The following ARID1B variants were observed in gnomAD, a reference collection of about 807,000 sequenced individuals.
ARID1B encodes the protein AT-rich interactive domain-containing protein 1B.
ARID1B carries 30 observed loss-of-function variants against 212.3 expected under a neutral mutation model. The ratio of observed to expected loss-of-function variants is 0.14; its 90% CI spans 0.11 to 0.19. The LOEUF (loss-of-function observed/expected upper bound fraction) is 0.19. Among genes scored for constraint, ARID1B ranks in the 10% least tolerant of loss-of-function variants. The pLI is 1.00. For synonymous variants in ARID1B, 1,402 were observed against 1,301.7 expected, an observed-to-expected ratio of 1.08 and a Z score of -1.66; for missense variants, 2,891 against 3,204.0, an observed-to-expected ratio of 0.90 and a Z score of 2.36.
intron 8 of ARID1B, among the ~76,000 whole-genome samples, chr6:157,161,030 T>C (rs1285039424): frequency 6.6e-6 from 1 of 152,212 alleles, no homozygotes; most frequent in African/African-American, 2.4e-5. Flanking sequence ...TTGTGCTCAT[T>C]CCTCTCCCAT....
chr6:156,851,814 T>C lies in ARID1B; in HGVS notation c.1986+22393T>C, dbSNP rs117504356. Among the ~76,000 whole-genome samples, 133 of 152,344 alleles carry C rather than the reference T, an allele frequency of 8.7e-4. 2 individuals carry two copies. In the East Asian group the frequency reaches 0.013, roughly 15 times the overall value. ...ACATACTCAGAGCTGATTTGGCTTT[T>C]TAAAAGATTCTAGGCTTGAATATAG... On this transcript the variant is annotated intron_variant, in intron 2 of 19. Coordinates refer to ENST00000636930, the MANE Select transcript of ARID1B (RefSeq NM_001374828.1).
intron 2 of ARID1B, among the ~76,000 whole-genome samples, chr6:156,891,579 A>G (rs112305353): frequency 1.5e-4 from 23 of 152,322 alleles, no homozygotes; most frequent in African/African-American, 5.3e-4. Flanking sequence ...CAAAAATAAC[A>G]TTATACTACA....
At chr6:156,907,659 A>C (rs1184975577) in intron 3 of ARID1B, among the ~76,000 whole-genome samples, 1 of 151,484 alleles carries the variant, frequency 6.6e-6, no homozygotes, top group African/African-American at 2.4e-5. Context: ...TAATTCTATC[A>C]CTTTGGGAGG....
intron 3 of ARID1B, among the ~76,000 whole-genome samples, chr6:156,917,759 C>G (rs968320709): frequency 6.6e-6 from 1 of 152,052 alleles, no homozygotes; most frequent in African/African-American, 2.4e-5. Context: ...ATTTATTGTT[C>G]AATATCATTT....
intron 5 of ARID1B, among the ~76,000 whole-genome samples, chr6:157,085,469 C>A (rs758116566): frequency 2.6e-5 from 4 of 152,176 alleles, no homozygotes; most frequent in Non-Finnish European, 5.9e-5. Flanking sequence ...TCATTTATTT[C>A]ACTTGTCATG....
chr6:157,049,596 A>G (rs1297103687), intron 4 of ARID1B, among the ~76,000 whole-genome samples: 1 of 152,204 alleles, frequency 6.6e-6, no homozygotes. Flanking sequence ...TCTTCCACAA[A>G]TTAAGTTTTC....
At chr6:157,198,476 G>A (rs1370879775) in intron 16 of ARID1B, 2 of 277,612 alleles carry the variant, frequency 7.2e-6, no homozygotes, top group East Asian at 6.3e-5. Flanking sequence ...TAAGGTACAC[G>A]TCAGTGGACA....
chr6:157,037,737 C>T lies in ARID1B; in HGVS notation c.2248-46925C>T, dbSNP rs78872166. ...ATGACTTTGGCCACTTTTTGGAGGA[C>T]GGATTAACCAGAGACCAGTCAAAAG... On this transcript the variant is annotated intron_variant, in intron 4 of 19. Transcript: ENST00000636930. 8.9e-4 allele frequency among the ~76,000 whole-genome samples: 135 copies of T among 152,206 alleles called. 1 individual carries two copies. The highest frequency in any genetic ancestry group is 7.3e-3 in the East Asian group (38 of 5,172).
chr6:156,778,839 C>G lies in ARID1B; in HGVS notation c.1159C>G (p.Pro387Ala), dbSNP rs765697199. Reference protein sequence around the residue: ...QCNHYPGYSRPGAGGGGGGGG... With the variant: ...QCNHYPGYSRAGAGGGGGGGG... ...CAACCATTATCCGGGCTACAGCCGG[C>G]CCGGCGCGGGCGGCGGCGGCGGCGG... The change falls in exon 1 of 20, where the codon CCC becomes GCC. Residue 387 changes from proline to alanine, a missense_variant. Pro to Ala is a conservative substitution (Grantham distance 27). Around this residue, in one of 7 missense-constraint regions of ARID1B, gnomAD observed 1,643 missense variants for 1,544.0 expected, o/e 1.06. Transcript: ENST00000636930. 3 of 1,416,268 alleles carry G rather than the reference C, an allele frequency of 2.1e-6. No homozygotes were observed. The South Asian group carries it at 4.5e-5, about 21-fold the overall frequency. 87.7% of individuals were successfully genotyped at this position (1,416,268 alleles called of 1,614,324 possible).
intron 1 of ARID1B, among the ~76,000 whole-genome samples, chr6:156,786,735 T>G (rs569974518): frequency 6.6e-6 from 1 of 152,328 alleles, no homozygotes; most frequent in South Asian, 2.1e-4. Flanking sequence ...TTTATTGAGC[T>G]CCCACTTTCT....
intron 4 of ARID1B, among the ~76,000 whole-genome samples, chr6:157,039,674 C>CTTTCTTTCT: frequency 1.3e-5 from 1 of 77,000 alleles, no homozygotes; most frequent in African/African-American, 6.3e-5. Flanking sequence ...TCCTTCCTTC[C>CTTTCTTTCT]TTCCTTCCTT....
At chr6:156,811,216 T>C (rs189293788) in intron 1 of ARID1B, among the ~76,000 whole-genome samples, 125 of 152,304 alleles carry the variant, frequency 8.2e-4, no homozygotes, top group African/African-American at 2.8e-3. Context: ...CTTAATGTCA[T>C]GTGATTAAGG....
In ARID1B at chr6:157,133,071, T is replaced by C. The variant is rs1385437355; in HGVS notation, c.2625T>C (p.Tyr875=). 2.5e-6 allele frequency: 4 copies of C among 1,613,702 alleles called. No homozygotes were observed. Among genetic ancestry groups the C allele is most frequent in the Admixed American group, 1.7e-5 (1 of 59,894 alleles). ...AAAGAAACCCTCAGATGGCTCAGTA[T>C]GGACCTCAACAGACAGGACCATCCA... is the stretch of plus-strand genomic sequence containing the variant. ...GTQRNPQMAQ[Y]GPQQTGPSMS... The change falls in exon 7 of 20, where the codon TAT becomes TAC. Residue 875 remains tyrosine, a synonymous_variant. Transcript: ENST00000636930.
Position 157,190,300 on chromosome 6 carries a change from C to T in ARID1B, c.4231+90C>T. ...AACAGTTCACCTTTCACTCAGAACA[C>T]CTCTGAGCCCATGCTGCATCGGTGT... is the stretch of plus-strand genomic sequence containing the variant. On this transcript the variant is annotated intron_variant, in intron 15 of 19. Transcript: ENST00000636930. The surrounding 1 kb of genome is among the most constrained non-coding windows in gnomAD (Gnocchi z 4.6). The T allele has an allele frequency of 7.1e-7, 1 of 1,402,146 alleles. No individual in the cohort carries two copies. Among genetic ancestry groups the T allele is most frequent in the Non-Finnish European group, 9.5e-7 (1 of 1,048,896 alleles). 86.9% of individuals were successfully genotyped at this position (1,402,146 alleles called of 1,614,324 possible). A position where few individuals can be genotyped will look rare whatever the true frequency, so the allele number is the denominator to read the frequency against.
At chr6:157,153,217 T>C (rs1790330900) in intron 8 of ARID1B, among the ~76,000 whole-genome samples, 1 of 152,222 alleles carries the variant, frequency 6.6e-6, no homozygotes. Context: ...TTTTTTCTTT[T>C]TCACCTTTTG....
At position 156,955,544 on chromosome 6, in the gene ARID1B, TTA is replaced by T. The variant is rs1446081383; in HGVS notation, c.2247+19971_2247+19972del. Among the ~76,000 whole-genome samples, 1 of 152,196 alleles carries T rather than the reference TTA, an allele frequency of 6.6e-6. No individual in the cohort carries two copies. The highest frequency in any genetic ancestry group is 2.4e-5 in the African/African-American group (1 of 41,444). ...ATAAAGGCTCTGTAATAATTGAAAG[TTA>T]TACATAATTTGCTATTGACATAATT... On this transcript the variant is annotated intron_variant, in intron 4 of 19. Transcript: ENST00000636930. This position sits in a 1 kb window ranked among gnomAD's most constrained non-coding sequence, Gnocchi z 4.2.
chr6:156,790,791 T>C (rs1453741045), intron 1 of ARID1B, among the ~76,000 whole-genome samples: 1 of 152,226 alleles, frequency 6.6e-6, no homozygotes. Flanking sequence ...CTTTCACCCA[T>C]GTCTATTGTA....
rs1243959083 is a variant in ARID1B at position 156,778,639 on chromosome 6, C to G, written c.959C>G (p.Ala320Gly). 6.8e-7 allele frequency: 1 copy of G among 1,468,380 alleles called. No individual in the cohort carries two copies. The highest frequency in any genetic ancestry group is 9.0e-7 in the Non-Finnish European group (1 of 1,105,926). 91.0% of individuals were successfully genotyped at this position (1,468,380 alleles called of 1,614,324 possible). The change falls in exon 1 of 20, where the codon GCT becomes GGT. Residue 320 changes from alanine (A) to glycine (G), a missense_variant. By Grantham distance (60) the Ala-to-Gly change is moderately conservative. This residue lies in a region of ARID1B where 1,643 missense variants were observed against 1,544.0 expected (regional missense o/e 1.06). Transcript: ENST00000636930. The part of the protein sequence containing the change: ...VPEFNNYYGS[A>G]APASGGPGGR... Reference sequence around the variant, plus strand: ...GAGTTTAATAATTACTATGGCAGCGCTGCCCCTGCGAGCGGCGGCCCCGGC... The same window carrying G: ...GAGTTTAATAATTACTATGGCAGCGGTGCCCCTGCGAGCGGCGGCCCCGGC...
At chr6:156,945,760 A>C (rs2128295213) in intron 4 of ARID1B, among the ~76,000 whole-genome samples, 1 of 152,328 alleles carries the variant, frequency 6.6e-6, no homozygotes, top group South Asian at 2.1e-4. Flanking sequence ...GTGGCCCAGC[A>C]CTTTGGAAAG....
Sources: allele counts gnomAD v4.1 joint callset (sites outside exome capture counted in the v4.1 genomes callset), GRCh38; gene constraint gnomAD v4.1.1; regional missense constraint gnomAD v4.1.1; non-coding constraint Gnocchi (gnomAD v3.1); transcripts MANE v1.5; gene names NCBI Gene and HGNC (gene_info 2026-07-23, HGNC 2026-07-21).